GINS4: variants seen among roughly 807,000 people sequenced by gnomAD.
The protein encoded by GINS4 is GINS complex subunit 4, also known as DNA replication complex GINS protein SLD5.
Under a neutral mutation model 31.1 loss-of-function variants are expected in GINS4, and 20 were observed. The observed-to-expected ratio is 0.64, with a 90% CI of 0.45 to 0.93. GINS4 has a LOEUF of 0.93. Among genes scored for constraint, GINS4 ranks in the 40% least tolerant of loss-of-function variants. The pLI is 0.00. For synonymous variants in GINS4, 85 were observed against 97.9 expected (o/e 0.87, Z 0.78); for missense variants, 245 against 273.9 (o/e 0.89, Z 0.75).
At chr8:41,541,942 T>C (rs553503109) in intron 7 of GINS4, 43 bp downstream of exon 7, 3 of 1,609,374 alleles carry the variant, frequency 1.9e-6, no homozygotes, top group East Asian at 2.2e-5. Flanking sequence ...TTCCTCCCGA[T>C]GGAGGGCCAG....
In GINS4 at chr8:41,544,901, A is replaced by G. The variant is rs542336773; in HGVS notation, c.*2814A>G. 214 of 152,282 alleles carry G rather than the reference A, an allele frequency of 1.4e-3. No homozygotes were observed. Among genetic ancestry groups the G allele is most frequent in the African/African-American group, 4.5e-3 (187 of 41,560 alleles). The allele number at this position is 152,282 out of a possible 1,614,324, so 9.4% of individuals were successfully genotyped here. On this transcript the variant is annotated 3_prime_UTR_variant, in exon 8 of 8. Coordinates refer to ENST00000276533, the MANE Select transcript of GINS4 (RefSeq NM_032336.3). ...CATGCCTCCAGCTGCTGCCCTGTACATGTCCAACTGCACGGAGCACTTTAC... is the reference window on the plus strand; with the variant it reads ...CATGCCTCCAGCTGCTGCCCTGTACGTGTCCAACTGCACGGAGCACTTTAC...
chr8:41,541,695 G>A (rs569569552), intron 6 of GINS4, 114 bp from the exon 7 acceptor site: 2 of 743,810 alleles, frequency 2.7e-6, no homozygotes, highest in East Asian at 2.6e-5. Flanking sequence ...GAGTAGGAAT[G>A]GGCTGGGCTC....
chr8:41,539,845 C>T (rs983501163), intron 5 of GINS4, 70 bp downstream of exon 5: 58 of 1,566,354 alleles, frequency 3.7e-5, no homozygotes, highest in Middle Eastern at 3.3e-4. Context: ...GAGGCCTGTG[C>T]GCTGCTGCCT....
intron 6 of GINS4, 149 bp downstream of exon 6, chr8:41,540,153 A>C: frequency 1.6e-6 from 1 of 642,078 alleles, no homozygotes; most frequent in Non-Finnish European, 2.7e-6. Context: ...AAAACCAAAA[A>C]AATCACGGAA....
chr8:41,532,592 T>G (rs1393062208), intron 2 of GINS4, among the ~76,000 whole-genome samples: 1 of 152,104 alleles, frequency 6.6e-6, no homozygotes, highest in Admixed American at 6.5e-5. Context: ...CCCAGCACTT[T>G]GGGAGACCGA....
chr8:41,532,181 G>A (rs1032268130), intron 2 of GINS4, among the ~76,000 whole-genome samples: 7 of 152,192 alleles, frequency 4.6e-5, no homozygotes, highest in African/African-American at 1.7e-4. Flanking sequence ...CTAATATGTA[G>A]CTGACACAAG....
At chr8:41,539,610 A>G in intron 4 of GINS4, 68 bp from the exon 5 acceptor site, 1 of 1,138,946 alleles carries the variant, frequency 8.8e-7, no homozygotes, top group Non-Finnish European at 1.3e-6. Flanking sequence ...AACCCTCTTT[A>G]TGTTAACCAC....
chr8:41,540,835 G>T (rs1806827941), intron 6 of GINS4, among the ~76,000 whole-genome samples: 1 of 152,176 alleles, frequency 6.6e-6, no homozygotes, highest in Non-Finnish European at 1.5e-5. Flanking sequence ...GTGGAACAGG[G>T]TCTTAGTCCC....
At chr8:41,541,106 G>C (rs1477483859) in intron 6 of GINS4, among the ~76,000 whole-genome samples, 1 of 146,744 alleles carries the variant, frequency 6.8e-6, no homozygotes, top group Non-Finnish European at 1.5e-5. Flanking sequence ...GTCTTGCTCA[G>C]TTGCCCCAGC....
rs1291021226 is a variant in GINS4 at position 41,544,179 on chromosome 8, G to A, written c.*2092G>A. ...AAAACAGCCTGTGCAAAGGCCCTGA[G>A]GCAGAAACAAACTCTACTTGAGGTC... On this transcript the variant is annotated 3_prime_UTR_variant, in exon 8 of 8. Transcript: ENST00000276533. The A allele has an allele frequency of 2.6e-5, 4 of 152,230 alleles. No homozygotes were observed. Among genetic ancestry groups the A allele is most frequent in the Non-Finnish European group, 4.4e-5 (3 of 68,088 alleles). 9.4% of individuals were successfully genotyped at this position (152,230 alleles called of 1,614,324 possible).
intron 6 of GINS4, 102 bp downstream of exon 6, chr8:41,540,106 T>C: frequency 1.2e-6 from 1 of 851,842 alleles, no homozygotes; most frequent in Non-Finnish European, 1.9e-6. Context: ...AAAGTAAGTA[T>C]GTAGATAAAC....
intron 4 of GINS4, 94 bp from the exon 5 acceptor site, chr8:41,539,584 T>G: frequency 1.2e-6 from 1 of 865,440 alleles, no homozygotes; most frequent in East Asian, 2.4e-5. Flanking sequence ...ATGTCCTTCC[T>G]CGGGAGGGTT....
chr8:41,538,153 T>C (rs774307458), intron 4 of GINS4: 2 of 152,254 alleles, frequency 1.3e-5, no homozygotes, highest in African/African-American at 2.4e-5. Flanking sequence ...CTCTTCTACA[T>C]GAGAATGCTT....
At chr8:41,536,542 T>C in intron 3 of GINS4, 96 bp downstream of exon 3, 1 of 708,648 alleles carries the variant, frequency 1.4e-6, no homozygotes, top group East Asian at 2.5e-5. Flanking sequence ...AAATCTGTTT[T>C]GTTTGGCTCC....
intron 2 of GINS4, among the ~76,000 whole-genome samples, chr8:41,531,428 C>T (rs1345227229): frequency 6.6e-6 from 1 of 152,174 alleles, no homozygotes; most frequent in African/African-American, 2.4e-5. Context: ...GTATCCTTAT[C>T]CTCTTGCTCT....
intron 2 of GINS4, among the ~76,000 whole-genome samples, chr8:41,531,338 A>C (rs1806645298): frequency 6.6e-6 from 1 of 152,170 alleles, no homozygotes; most frequent in South Asian, 2.1e-4. Context: ...TTTTTGATTA[A>C]ATGTGGTAAT....
At chr8:41,531,169 G>T (rs1806643475) in intron 2 of GINS4, among the ~76,000 whole-genome samples, 1 of 152,222 alleles carries the variant, frequency 6.6e-6, no homozygotes, top group Non-Finnish European at 1.5e-5. Context: ...CTACTCGGGA[G>T]GCTAAGGCCG....
chr8:41,529,638 C>A, intron 1 of GINS4: 1 of 152,642 alleles, frequency 6.6e-6, no homozygotes, highest in Non-Finnish European at 1.5e-5. Context: ...GACAGGATCT[C>A]CCTATGTTGC....
chr8:41,534,763 T>C (rs971647959), intron 2 of GINS4, among the ~76,000 whole-genome samples: 3 of 151,894 alleles, frequency 2.0e-5, no homozygotes, highest in Admixed American at 6.6e-5. Flanking sequence ...GATGGAGTCT[T>C]GCTCTGTTGC....
Sources: gnomAD v4.1 joint callset for allele counts (sites outside exome capture counted in the v4.1 genomes callset) on GRCh38, gnomAD v4.1.1 for gene constraint, MANE v1.5 for transcripts, NCBI Gene and HGNC (gene_info 2026-07-23, HGNC 2026-07-21) for gene names.